The following COG5 variants were observed in gnomAD, a reference collection of about 807,000 sequenced individuals.
The protein encoded by COG5 is component of oligomeric golgi complex 5, also known as conserved oligomeric Golgi complex subunit 5.
In COG5, 86 loss-of-function variants were observed where a neutral mutation model predicts 110.4. The ratio of observed to expected loss-of-function variants is 0.78; its 90% CI spans 0.65 to 0.93. The LOEUF (loss-of-function observed/expected upper bound fraction) is 0.93. Ranked by LOEUF, COG5 falls within the 40% of genes least tolerant of loss-of-function variation. COG5 has a pLI of 0.00. For missense variants in COG5, 1,077 were observed against 987.0 expected, an observed-to-expected ratio of 1.09 and a Z score of -1.22; for synonymous variants, 360 against 334.6, an observed-to-expected ratio of 1.08 and a Z score of -0.83.
chr7:107,554,006 A>G (rs1169211816), intron 3 of COG5, among the ~76,000 whole-genome samples: 1 of 152,188 alleles, frequency 6.6e-6, no homozygotes, highest in Non-Finnish European at 1.5e-5. Context: ...AACTTGCTCA[A>G]AGTCAAACAC....
chr7:107,480,895 C>T (rs1373406322), intron 6 of COG5: 1 of 152,080 alleles, frequency 6.6e-6, no homozygotes, highest in East Asian at 1.9e-4. Flanking sequence ...TGAACGTAAT[C>T]ACAATAATAT....
intron 7 of COG5, among the ~76,000 whole-genome samples, chr7:107,399,755 A>G (rs1791290596): frequency 6.6e-6 from 1 of 152,252 alleles, no homozygotes; most frequent in East Asian, 1.9e-4. Flanking sequence ...CTCAGTAATG[A>G]GAAGACAACA....
intron 6 of COG5, among the ~76,000 whole-genome samples, chr7:107,458,581 G>A (rs573932066): frequency 6.6e-6 from 1 of 152,278 alleles, no homozygotes; most frequent in South Asian, 2.1e-4. Context: ...TAAGCCAGGT[G>A]CAGTGGCTCA....
At position 107,258,334 on chromosome 7, in the gene COG5, C is replaced by T; in HGVS notation, c.1625G>A (p.Gly542Glu). 1 of 1,613,370 alleles carries T rather than the reference C, an allele frequency of 6.2e-7. No individual in the cohort carries two copies. The change falls in exon 15 of 22, where the codon GGA becomes GAA. Residue 542 changes from glycine (G) to glutamate (E), a missense_variant. Physicochemically the swap from Gly to Glu is moderately conservative, Grantham distance 98 (BLOSUM62 -2). Coordinates refer to ENST00000297135, the MANE Select transcript of COG5 (RefSeq NM_006348.5). Reference protein sequence around the residue: ...ASQVIGPLTEGQRRNVAVVNS... With the variant: ...ASQVIGPLTEEQRRNVAVVNS... ...CACTACTGCCACATTTCTTCTCTGT[C>T]CTTCAGTAAGAGGCCCAATCACCTG...
chr7:107,248,330 G>T, intron 17 of COG5, 66 bp downstream of exon 17: 1 of 1,003,220 alleles, frequency 1.0e-6, no homozygotes. Flanking sequence ...TAGGGAGTAA[G>T]CATAGAGGTG....
chr7:107,346,647 T>C (rs149693972), intron 10 of COG5, among the ~76,000 whole-genome samples: 208 of 152,310 alleles, frequency 1.4e-3, no homozygotes, highest in Non-Finnish European at 1.9e-3. Context: ...TCTACCCATA[T>C]GTGTCTGCTC....
chr7:107,325,722 T>C (rs1047537280), intron 10 of COG5, among the ~76,000 whole-genome samples: 22 of 152,154 alleles, frequency 1.4e-4, no homozygotes, highest in African/African-American at 5.3e-4. Flanking sequence ...AAAATATTGC[T>C]ACAGTCCCAA....
chr7:107,304,298 T>C (rs1807523761), intron 11 of COG5, among the ~76,000 whole-genome samples: 1 of 152,198 alleles, frequency 6.6e-6, no homozygotes, highest in African/African-American at 2.4e-5. Flanking sequence ...TCTATTCCAG[T>C]ACCTTCTTTT....
intron 5 of COG5, among the ~76,000 whole-genome samples, chr7:107,536,660 T>A (rs1202872180): frequency 6.6e-6 from 1 of 152,152 alleles, no homozygotes; most frequent in African/African-American, 2.4e-5. Flanking sequence ...ATAGGAAGAA[T>A]CAATATCATG....
chr7:107,520,324 C>T (rs918447928), intron 6 of COG5, among the ~76,000 whole-genome samples: 5 of 151,986 alleles, frequency 3.3e-5, no homozygotes, highest in Admixed American at 1.3e-4. Context: ...AGAAATAAAG[C>T]GTATTCAAAT....
rs188252860 is a variant in COG5, at chr7:107,508,630, C to A, written c.538+18607G>T. 6.7e-4 allele frequency among the ~76,000 whole-genome samples: 102 copies of A among 152,330 alleles called. 1 individual carries two copies. In the East Asian group the frequency reaches 0.014, roughly 21 times the overall value. ...AGCAGCCTAACTGGGAGGCACCCCC[C>A]AGTAGGGGCACACTGACACCTTACA... On this transcript the variant is annotated intron_variant, in intron 6 of 21. Transcript: ENST00000297135.
rs139295423 is a variant in COG5, at chr7:107,502,711, C to T, written c.538+24526G>A. On this transcript the variant is annotated intron_variant, in intron 6 of 21. Transcript: ENST00000297135. ...ACTTTCTAATAATGGCCATTCTAGACGGAATAAGCTGATAATCTCACTGTG... is the reference window on the plus strand; with the variant it reads ...ACTTTCTAATAATGGCCATTCTAGATGGAATAAGCTGATAATCTCACTGTG... Among the ~76,000 whole-genome samples the T allele has an allele frequency of 9.3e-3, 1,414 of 152,168 alleles. 21 individuals are homozygous for T. The highest frequency in any genetic ancestry group is 0.032 in the African/African-American group (1,345 of 41,538).
In COG5 at chr7:107,382,540, A is replaced by G. The variant is rs372173870; in HGVS notation, c.670-9780T>C. On this transcript the variant is annotated intron_variant, in intron 7 of 21. Transcript: ENST00000297135. ...AATCTCTGCCTCCTGGGTTCAAGCGATTCTCCTCTGCCTCAGCCTTCCCAG... is the reference window on the plus strand; with the variant it reads ...AATCTCTGCCTCCTGGGTTCAAGCGGTTCTCCTCTGCCTCAGCCTTCCCAG... 1.1e-4 allele frequency among the ~76,000 whole-genome samples: 17 copies of G among 152,126 alleles called. No homozygotes were observed. The East Asian group carries it at 3.3e-3, about 29-fold the overall frequency.
intron 6 of COG5, among the ~76,000 whole-genome samples, chr7:107,509,821 A>G (rs1799359629): frequency 6.6e-6 from 1 of 151,640 alleles, no homozygotes; most frequent in East Asian, 1.9e-4. Flanking sequence ...TGAAGGGGAA[A>G]TAAAATCCTT....
chr7:107,248,209 G>A (rs1185559279), intron 17 of COG5, among the ~76,000 whole-genome samples, 187 bp downstream of exon 17: 1 of 151,944 alleles, frequency 6.6e-6, no homozygotes, highest in Non-Finnish European at 1.5e-5. Context: ...TGATGAAAAC[G>A]AGAACTGAAA....
At chr7:107,263,806 AAT>A (rs2116665696) in intron 14 of COG5, among the ~76,000 whole-genome samples, 1 of 152,304 alleles carries the variant, frequency 6.6e-6, no homozygotes, top group East Asian at 1.9e-4. Flanking sequence ...TAATTGAAAC[AAT>A]AAACTACATA....
chr7:107,506,328 C>A (rs901405115), intron 6 of COG5, among the ~76,000 whole-genome samples: 6 of 152,142 alleles, frequency 3.9e-5, no homozygotes, highest in Non-Finnish European at 7.4e-5. Flanking sequence ...CAGGAATGGG[C>A]AGGGCCATAA....
At chr7:107,343,551 C>T (rs1354149625) in intron 10 of COG5, among the ~76,000 whole-genome samples, 1 of 152,000 alleles carries the variant, frequency 6.6e-6, no homozygotes, top group Non-Finnish European at 1.5e-5. Flanking sequence ...TGTGGTGGCT[C>T]ATGCCTGCAG....
intron 6 of COG5, among the ~76,000 whole-genome samples, chr7:107,499,233 C>A (rs985151918): frequency 6.6e-6 from 1 of 152,054 alleles, no homozygotes; most frequent in Non-Finnish European, 1.5e-5. Context: ...CTGTTCAATA[C>A]CATGCCTATA....
Sources: gnomAD v4.1 joint callset for allele counts (sites outside exome capture counted in the v4.1 genomes callset) on GRCh38, gnomAD v4.1.1 for gene constraint, MANE v1.5 for transcripts, NCBI Gene and HGNC (gene_info 2026-07-23, HGNC 2026-07-21) for gene names.